Variants in IMMP2L observed in about 807,000 individuals in gnomAD.
The protein encoded by IMMP2L is mitochondrial inner membrane protease subunit 2.
Under a neutral mutation model 19.3 loss-of-function variants are expected in IMMP2L, and 18 were observed. The observed-to-expected ratio is 0.93, with a 90% CI of 0.64 to 1.38. The LOEUF (loss-of-function observed/expected upper bound fraction) is 1.38. Among genes scored for constraint, IMMP2L ranks in the 40% most tolerant of loss-of-function variants. The pLI, the probability that IMMP2L is intolerant of heterozygous loss-of-function variation, is 0.00. For missense variants in IMMP2L, 233 were observed against 218.2 expected (o/e 1.07, Z -0.43); for synonymous variants, 76 against 73.0 (o/e 1.04, Z -0.21).
chr7:111,142,922 C>T (rs921376386), intron 3 of IMMP2L, among the ~76,000 whole-genome samples: 1 of 152,066 alleles, frequency 6.6e-6, no homozygotes, highest in Admixed American at 6.6e-5. Flanking sequence ...ACGTTACAGA[C>T]AGAAAGCTTG....
In IMMP2L at chr7:111,392,631, A is replaced by G. The variant is rs918341558; in HGVS notation, c.239+94607T>C. Among the ~76,000 whole-genome samples the G allele has an allele frequency of 2.7e-4, 41 of 152,136 alleles. 1 individual carries two copies. Among genetic ancestry groups the G allele is most frequent in the Admixed American group, 2.7e-3 (41 of 15,272 alleles). ...TCAATTAATTCTGATAATAACAACCAGGAGTTAGCATCAGAATTTTTAGTG... is the reference window on the plus strand; with the variant it reads ...TCAATTAATTCTGATAATAACAACCGGGAGTTAGCATCAGAATTTTTAGTG... On this transcript the variant is annotated intron_variant, in intron 3 of 5. Coordinates refer to ENST00000405709, the MANE Select transcript of IMMP2L (RefSeq NM_032549.4).
intron 5 of IMMP2L, among the ~76,000 whole-genome samples, chr7:110,841,074 C>A (rs879481190): frequency 2.0e-5 from 3 of 152,082 alleles, no homozygotes; most frequent in African/African-American, 7.2e-5. Flanking sequence ...AAGCACTTTT[C>A]AAGTTTTACA....
chr7:111,081,395 A>G (rs2129576470), intron 3 of IMMP2L, among the ~76,000 whole-genome samples: 1 of 152,362 alleles, frequency 6.6e-6, no homozygotes, highest in African/African-American at 2.4e-5. Flanking sequence ...AGAATCCATG[A>G]AAGAAATAAA....
chr7:110,855,953 A>C (rs1395128382), intron 5 of IMMP2L, among the ~76,000 whole-genome samples: 2 of 152,018 alleles, frequency 1.3e-5, no homozygotes, highest in African/African-American at 4.8e-5. Context: ...ATACTCAAAT[A>C]ATAATGTGAT....
At chr7:111,406,677 G>A (rs1281476771) in intron 3 of IMMP2L, among the ~76,000 whole-genome samples, 1 of 151,782 alleles carries the variant, frequency 6.6e-6, no homozygotes, top group African/African-American at 2.4e-5. Context: ...ATTTTATTCA[G>A]GTCTCTGATC....
At chr7:110,781,747 CTG>C (rs1274580777) in intron 5 of IMMP2L, among the ~76,000 whole-genome samples, 1 of 151,802 alleles carries the variant, frequency 6.6e-6, no homozygotes, top group Non-Finnish European at 1.5e-5. Flanking sequence ...TAACAACAGA[CTG>C]TGCCTAAAAT....
intron 3 of IMMP2L, among the ~76,000 whole-genome samples, chr7:111,095,103 C>T (rs1025437879): frequency 6.6e-6 from 1 of 151,740 alleles, no homozygotes; most frequent in Non-Finnish European, 1.5e-5. Flanking sequence ...TTCTATGGTG[C>T]CATTAATAAA....
At chr7:111,433,812 A>T (rs889204374) in intron 3 of IMMP2L, among the ~76,000 whole-genome samples, 1 of 151,624 alleles carries the variant, frequency 6.6e-6, no homozygotes, top group African/African-American at 2.4e-5. Flanking sequence ...CCAAATTTTT[A>T]AAAATCCCAT....
chr7:110,921,737 G>T (rs897724725), intron 4 of IMMP2L, among the ~76,000 whole-genome samples: 1 of 152,096 alleles, frequency 6.6e-6, no homozygotes, highest in Non-Finnish European at 1.5e-5. Flanking sequence ...TAACAAATGT[G>T]CTTAACTACC....
At chr7:110,823,909 T>C (rs1803245236) in intron 5 of IMMP2L, among the ~76,000 whole-genome samples, 1 of 152,104 alleles carries the variant, frequency 6.6e-6, no homozygotes. Context: ...GAGAGATCAG[T>C]TGAATATACT....
chr7:111,286,346 C>T (rs1820479299), intron 3 of IMMP2L, among the ~76,000 whole-genome samples: 1 of 151,994 alleles, frequency 6.6e-6, no homozygotes, highest in African/African-American at 2.4e-5. Flanking sequence ...ATATATGGAC[C>T]ATCTCCTTAA....
At chr7:111,320,781 A>G (rs140375706) in intron 3 of IMMP2L, among the ~76,000 whole-genome samples, 43 of 152,154 alleles carry the variant, frequency 2.8e-4, no homozygotes, top group Admixed American at 7.2e-4. Flanking sequence ...CAGTTTCTCC[A>G]GGTGACACAT....
At chr7:110,676,335 C>T (rs776777491) in intron 5 of IMMP2L, among the ~76,000 whole-genome samples, 6 of 152,200 alleles carry the variant, frequency 3.9e-5, no homozygotes, top group Admixed American at 2.0e-4. Flanking sequence ...AATATGTTAG[C>T]GAATATAACA....
chr7:111,342,750 G>A (rs1382915587), intron 3 of IMMP2L, among the ~76,000 whole-genome samples: 3 of 151,958 alleles, frequency 2.0e-5, no homozygotes, highest in African/African-American at 4.8e-5. Flanking sequence ...TTGTCTAGAA[G>A]TATTTTAAAT....
At chr7:111,493,121 T>C (rs184573196) in intron 2 of IMMP2L, among the ~76,000 whole-genome samples, 1 of 152,192 alleles carries the variant, frequency 6.6e-6, no homozygotes, top group Non-Finnish European at 1.5e-5. Flanking sequence ...AATGTATACA[T>C]CTCTTTCAAT....
chr7:111,089,853 T>C (rs1415647190), intron 3 of IMMP2L, among the ~76,000 whole-genome samples: 1 of 151,916 alleles, frequency 6.6e-6, no homozygotes, highest in Non-Finnish European at 1.5e-5. Context: ...ACAAGCCTAC[T>C]GTTTAAAATT....
At chr7:111,445,912 G>A (rs1269069382) in intron 3 of IMMP2L, among the ~76,000 whole-genome samples, 4 of 152,194 alleles carry the variant, frequency 2.6e-5, no homozygotes, top group Non-Finnish European at 4.4e-5. Context: ...AAGGGGTCAG[G>A]GAGTTCCCTT....
intron 3 of IMMP2L, among the ~76,000 whole-genome samples, chr7:111,444,953 G>T (rs1381010975): frequency 6.6e-6 from 1 of 151,942 alleles, no homozygotes; most frequent in Non-Finnish European, 1.5e-5. Flanking sequence ...CGTTTTTCTT[G>T]TAACAGTTAT....
At chr7:111,451,736 G>A (rs1285834034) in intron 3 of IMMP2L, among the ~76,000 whole-genome samples, 3 of 149,128 alleles carry the variant, frequency 2.0e-5, no homozygotes, top group Admixed American at 6.7e-5. Context: ...AAAGAACAGG[G>A]AAGAACAAGA....
Sources: allele counts gnomAD v4.1 joint callset (sites outside exome capture counted in the v4.1 genomes callset), GRCh38; gene constraint gnomAD v4.1.1; transcripts MANE v1.5; gene names NCBI Gene and HGNC (gene_info 2026-07-23, HGNC 2026-07-21).